Variants in ATF7 observed in about 807,000 individuals in gnomAD.
ATF7 encodes the protein activating transcription factor 7, also known as cyclic AMP-dependent transcription factor ATF-7.
A neutral mutation model predicts 50.4 loss-of-function variants in ATF7; 10 were observed. The ratio of observed to expected loss-of-function variants is 0.20; its 90% CI spans 0.12 to 0.34. The LOEUF (loss-of-function observed/expected upper bound fraction) is 0.34, where lower values mean the gene tolerates loss of function less well. Among genes scored for constraint, ATF7 ranks in the 10% least tolerant of loss-of-function variants. The pLI is 1.00. For synonymous variants in ATF7, 201 were observed against 226.4 expected (o/e 0.89, Z 1.01); for missense variants, 465 against 613.9 (o/e 0.76, Z 2.56).
At chr12:53,610,765 A>G (rs1008810108) in intron 1 of ATF7, among the ~76,000 whole-genome samples, 1 of 152,160 alleles carries the variant, frequency 6.6e-6, no homozygotes, top group East Asian at 1.9e-4. Context: ...TTGAGGGGCT[A>G]CATGTTCTGG....
intron 2 of ATF7, among the ~76,000 whole-genome samples, chr12:53,597,431 T>G (rs1365451666): frequency 3.3e-5 from 5 of 152,148 alleles, no homozygotes; most frequent in African/African-American, 1.2e-4. Flanking sequence ...CAGGACAATT[T>G]CTGAGTTTAG....
At chr12:53,600,362 C>T (rs748903477) in intron 2 of ATF7, among the ~76,000 whole-genome samples, 22 of 149,400 alleles carry the variant, frequency 1.5e-4, no homozygotes, top group African/African-American at 5.4e-4. Flanking sequence ...TTTTTTGAGA[C>T]GGAGTTTCGC....
At chr12:53,578,180 C>T (rs1942203119) in intron 2 of ATF7, among the ~76,000 whole-genome samples, 1 of 152,012 alleles carries the variant, frequency 6.6e-6, no homozygotes, top group African/African-American at 2.4e-5. Context: ...TGAGACTAGC[C>T]TGGGCAACAC....
intron 1 of ATF7, among the ~76,000 whole-genome samples, chr12:53,624,849 C>T (rs1279627424): frequency 6.6e-6 from 1 of 152,204 alleles, no homozygotes; most frequent in East Asian, 1.9e-4. Context: ...TGCAACCACC[C>T]ATTCGACAAC....
chr12:53,523,562 A>G (rs758777201), intron 10 of ATF7, among the ~76,000 whole-genome samples, 178 bp from the exon 11 acceptor site: 1 of 152,214 alleles, frequency 6.6e-6, no homozygotes, highest in Non-Finnish European at 1.5e-5. Context: ...CATGAATTCA[A>G]TGACAGGAGT....
chr12:53,563,855 C>T lies in ATF7; in HGVS notation c.49-11218G>A, dbSNP rs148495718. Among the ~76,000 whole-genome samples, 308 of 152,324 alleles carry T rather than the reference C, an allele frequency of 2.0e-3. 1 individual carries two copies. The highest frequency in any genetic ancestry group is 7.3e-3 in the African/African-American group (302 of 41,584). ...GAAAGATCTGATGGCTTTCCAACTC[C>T]ATTTGCAAAGTAAATTTCACTGTTC... On this transcript the variant is annotated intron_variant, in intron 2 of 11. Coordinates refer to ENST00000420353, the MANE Select transcript of ATF7 (RefSeq NM_006856.3).
At chr12:53,529,912 T>A (rs10747674) in intron 9 of ATF7, among the ~76,000 whole-genome samples, 63,243 of 150,834 alleles carry the variant, frequency 0.42, 13,600 homozygotes, top group East Asian at 0.73. Context: ...GGCTAATCTT[T>A]GTATTTTTTT....
At chr12:53,582,034 C>T (rs566566540) in intron 2 of ATF7, among the ~76,000 whole-genome samples, 9 of 151,642 alleles carry the variant, frequency 5.9e-5, no homozygotes, top group South Asian at 2.1e-4. Flanking sequence ...ACTGAGGAGT[C>T]GGAGGCTATA....
At chr12:53,538,906 A>C (rs933013551) in intron 4 of ATF7, among the ~76,000 whole-genome samples, 6 of 152,138 alleles carry the variant, frequency 3.9e-5, no homozygotes, top group Non-Finnish European at 5.9e-5. Flanking sequence ...CTACATAGCT[A>C]AGATGTCAGG....
chr12:53,572,910 T>C (rs1429399340), intron 2 of ATF7, among the ~76,000 whole-genome samples: 1 of 151,812 alleles, frequency 6.6e-6, no homozygotes, highest in Non-Finnish European at 1.5e-5. Context: ...CTCAGCCTCC[T>C]GAGTAGCTGG....
At chr12:53,564,894 T>C (rs972752817) in intron 2 of ATF7, among the ~76,000 whole-genome samples, 1 of 151,944 alleles carries the variant, frequency 6.6e-6, no homozygotes, top group African/African-American at 2.4e-5. Flanking sequence ...GATTTTTTTT[T>C]TGTTTAGTTC....
At chr12:53,621,978 G>A (rs1944400794) in intron 1 of ATF7, among the ~76,000 whole-genome samples, 1 of 151,998 alleles carries the variant, frequency 6.6e-6, no homozygotes. Context: ...TTGATGAAGA[G>A]CCTGATCTTT....
chr12:53,550,494 C>T (rs1377434517), intron 3 of ATF7, among the ~76,000 whole-genome samples: 1 of 151,702 alleles, frequency 6.6e-6, no homozygotes, highest in African/African-American at 2.4e-5. Context: ...AGAGACTAAT[C>T]AAGGAGGCCA....
At chr12:53,539,223 A>G (rs1249158462) in intron 4 of ATF7, among the ~76,000 whole-genome samples, 4 of 152,226 alleles carry the variant, frequency 2.6e-5, no homozygotes, top group African/African-American at 9.6e-5. Context: ...GCAATGAAAA[A>G]GACTTGAAGC....
At position 53,543,122 on chromosome 12, in the gene ATF7, C is replaced by T. The variant is rs909730179; in HGVS notation, c.264+208G>A. 112 of 1,444,320 alleles carry T rather than the reference C, an allele frequency of 7.8e-5. No homozygotes were observed. In the African/African-American group the frequency reaches 1.1e-3, roughly 14 times the overall value. The allele number at this position is 1,444,320 out of a possible 1,614,324, so 89.5% of individuals were successfully genotyped here. A position where few individuals can be genotyped will look rare whatever the true frequency, so the allele number is the denominator to read the frequency against. ...GAACAAGAGGACTAATTTTCGGTGA[C>T]GACAGACTTGTGCTGATCCATCATC... On this transcript the variant is annotated intron_variant, in intron 4 of 11. Transcript: ENST00000420353.
At chr12:53,557,544 T>C (rs767109738) in intron 2 of ATF7, among the ~76,000 whole-genome samples, 4 of 152,218 alleles carry the variant, frequency 2.6e-5, no homozygotes, top group Non-Finnish European at 4.4e-5. Flanking sequence ...CTTTGTTCTT[T>C]GGCATTACCT....
At chr12:53,508,911 CTG>C (rs1944075561), downstream of ATF7, among the ~76,000 whole-genome samples, 2 of 152,232 alleles carry the variant, frequency 1.3e-5, no homozygotes, top group African/African-American at 4.8e-5. Flanking sequence ...GACCCCGACT[CTG>C]GTCTCCACAG....
chr12:53,530,889 G>C (rs575141169), intron 9 of ATF7, among the ~76,000 whole-genome samples: 2 of 152,034 alleles, frequency 1.3e-5, no homozygotes, highest in Admixed American at 1.3e-4. Context: ...GATTACAGGC[G>C]TGAGCCACCT....
At chr12:53,579,732 A>C (rs1182425009) in intron 2 of ATF7, among the ~76,000 whole-genome samples, 1 of 152,054 alleles carries the variant, frequency 6.6e-6, no homozygotes, top group African/African-American at 2.4e-5. Context: ...TCTTCAATAG[A>C]AAGGTCCTGT....
Sources: gnomAD v4.1 joint callset for allele counts (sites outside exome capture counted in the v4.1 genomes callset) on GRCh38, gnomAD v4.1.1 for gene constraint, MANE v1.5 for transcripts, NCBI Gene and HGNC (gene_info 2026-07-23, HGNC 2026-07-21) for gene names.